OR2T6: variants seen among roughly 807,000 people sequenced by gnomAD.
The protein encoded by OR2T6 is olfactory receptor family 2 subfamily T member 6, also known as olfactory receptor 2T6.
For missense variants in OR2T6, 424 were observed against 391.6 expected (o/e 1.08, Z -0.70); for synonymous variants, 174 against 148.0 (o/e 1.18, Z -1.27).
At chr1:248,381,773 T>A (rs1572867082) in intron 1 of OR2T6, among the ~76,000 whole-genome samples, 2 of 152,210 alleles carry the variant, frequency 1.3e-5, no homozygotes, top group East Asian at 1.9e-4. Flanking sequence ...GAATTCAACG[T>A]TTACTGTTAG....
rs750516767 is a variant in OR2T6 at position 248,388,382 on chromosome 1, G to T, written c.774G>T (p.Thr258=). The T allele has an allele frequency of 3.7e-6, 6 of 1,613,414 alleles. No homozygotes were observed. The highest frequency in any genetic ancestry group is 1.3e-5 in the African/African-American group (1 of 74,844). ...VTLFYGAALY[T]YTLPQSYHTP... is the part of the protein sequence containing the mutation. ...TGTTCTATGGGGCTGCCTTGTATAC[G>T]TATACGCTTCCCCAATCTTACCACA... The change falls in exon 3 of 3, where the codon ACG becomes ACT. Residue 258 remains threonine, a synonymous_variant. Coordinates refer to ENST00000641644, the MANE Select transcript of OR2T6 (RefSeq NM_001005471.2).
rs1339986 is a variant in OR2T6, at chr1:248,390,753, G to A, written c.*2218G>A. 0.4 allele frequency: 60,274 copies of A among 152,040 alleles called. 14,294 individuals carry two copies. Among genetic ancestry groups the A allele is most frequent in the Non-Finnish European group, 0.53 (36,280 of 67,976 alleles). 9.4% of individuals were successfully genotyped at this position (152,040 alleles called of 1,614,324 possible). On this transcript the variant is annotated 3_prime_UTR_variant, in exon 3 of 3. Coordinates refer to ENST00000641644, the MANE Select transcript of OR2T6 (RefSeq NM_001005471.2). ...GTACAAAAAACACAACAAATCAGAAGAGAAGGAGAGGGCTGGCCCATAAGA... is the reference window on the plus strand; with the variant it reads ...GTACAAAAAACACAACAAATCAGAAAAGAAGGAGAGGGCTGGCCCATAAGA...
intron 2 of OR2T6, 43 bp from the exon 3 acceptor site, chr1:248,387,562 C>A: frequency 8.6e-7 from 1 of 1,167,846 alleles, no homozygotes; most frequent in Non-Finnish European, 1.2e-6. Flanking sequence ...TTGTCATTTT[C>A]ATTGACCCTG....
At position 248,387,682 on chromosome 1, in the gene OR2T6, G is replaced by T; in HGVS notation, c.74G>T (p.Gly25Val). ...MGLFTHNKCS[G>V]FFFGVICAVF... Reference sequence around the variant, plus strand: ...CTCTTCACTCACAATAAATGCTCAGGATTCTTTTTCGGTGTCATTTGTGCC... The same window carrying T: ...CTCTTCACTCACAATAAATGCTCAGTATTCTTTTTCGGTGTCATTTGTGCC... The change falls in exon 3 of 3, where the codon GGA (glycine) becomes GTA (valine). Residue 25 changes from glycine (G) to valine (V), a missense_variant. Gly to Val is a moderately radical substitution (Grantham distance 109). Transcript: ENST00000641644. The T allele has an allele frequency of 6.2e-7, 1 of 1,613,686 alleles. No homozygotes were observed. The highest frequency in any genetic ancestry group is 2.2e-5 in the East Asian group (1 of 44,840).
At chr1:248,379,042 G>A (rs1015643456) in intron 1 of OR2T6, among the ~76,000 whole-genome samples, 1 of 152,072 alleles carries the variant, frequency 6.6e-6, no homozygotes, top group Non-Finnish European at 1.5e-5. Flanking sequence ...GGATATGGTG[G>A]TCTGTGCCTA....
At position 248,375,844 on chromosome 1, in the gene OR2T6, C is replaced by T. The variant is rs1436242984; in HGVS notation, c.-369C>T. ...GTCATCTTCAAATACCTCTAACTGG[C>T]ACTCTCTTTTTTTTTTTGAAGCTTT... On this transcript the variant is annotated 5_prime_UTR_variant, in exon 1 of 3. Coordinates refer to ENST00000641644, the MANE Select transcript of OR2T6 (RefSeq NM_001005471.2). The T allele has an allele frequency of 6.7e-6, 1 of 149,466 alleles. No homozygotes were observed. The highest frequency in any genetic ancestry group is 1.5e-5 in the Non-Finnish European group (1 of 67,930). The allele number at this position is 149,466 out of a possible 1,614,324, so 9.3% of individuals were successfully genotyped here. A position where few individuals can be genotyped will look rare whatever the true frequency, so the allele number is the denominator to read the frequency against.
At chr1:248,385,270 T>G (rs1464032295) in intron 2 of OR2T6, among the ~76,000 whole-genome samples, 1 of 152,210 alleles carries the variant, frequency 6.6e-6, no homozygotes, top group Admixed American at 6.5e-5. Flanking sequence ...TTCATCTTTT[T>G]CTAGTACTCA....
At position 248,388,521 on chromosome 1, in the gene OR2T6, G is replaced by T; in HGVS notation, c.913G>T (p.Val305Leu). The T allele has an allele frequency of 6.4e-7, 1 of 1,568,780 alleles. No individual in the cohort carries two copies. The highest frequency in any genetic ancestry group is 8.6e-7 in the Non-Finnish European group (1 of 1,159,376). The change falls in exon 3 of 3, where the codon GTG becomes TTG. Residue 305 changes from valine to leucine, a missense_variant. Coordinates refer to ENST00000641644, the MANE Select transcript of OR2T6 (RefSeq NM_001005471.2). Reference sequence around the variant, plus strand: ...TGTGATGGGTGCCTTGAAGAGAGTTGTGGCAAGATGTTAGGGGACATGTGG... The same window carrying T: ...TGTGATGGGTGCCTTGAAGAGAGTTTTGGCAAGATGTTAGGGGACATGTGG... ...RDVMGALKRVVARC is the reference protein window; with the variant it reads ...RDVMGALKRVLARC
chr1:248,382,356 G>C (rs1418689361), intron 1 of OR2T6, among the ~76,000 whole-genome samples: 1 of 152,092 alleles, frequency 6.6e-6, no homozygotes, highest in Non-Finnish European at 1.5e-5. Flanking sequence ...GACACACACA[G>C]TGTATTTATT....
intron 1 of OR2T6, among the ~76,000 whole-genome samples, chr1:248,382,848 A>T (rs1403630386): frequency 6.6e-6 from 1 of 152,138 alleles, no homozygotes. Flanking sequence ...TTACCATTTA[A>T]TATCTGCCTT....
rs992888141 is a variant in OR2T6 at position 248,376,034 on chromosome 1, C to G, written c.-179C>G. 1.3e-5 allele frequency: 2 copies of G among 152,184 alleles called. No individual in the cohort carries two copies. Among genetic ancestry groups the G allele is most frequent in the Non-Finnish European group, 2.9e-5 (2 of 68,046 alleles). The allele number at this position is 152,184 out of a possible 1,614,324, so 9.4% of individuals were successfully genotyped here. A position where few individuals can be genotyped will look rare whatever the true frequency, so the allele number is the denominator to read the frequency against. ...TTGTCTTTACCTAATATTCCTCTCT[C>G]TGGATATATTATACCTGTAAGTGAT... On this transcript the variant is annotated 5_prime_UTR_variant, in exon 1 of 3. Coordinates refer to ENST00000641644, the MANE Select transcript of OR2T6 (RefSeq NM_001005471.2).
intron 1 of OR2T6, among the ~76,000 whole-genome samples, chr1:248,377,972 A>G (rs756814860): frequency 1.3e-5 from 2 of 152,206 alleles, no homozygotes; most frequent in Non-Finnish European, 2.9e-5. Flanking sequence ...AAGACAACTA[A>G]GCTACACCAT....
chr1:248,388,340 C>T lies in OR2T6; in HGVS notation c.732C>T (p.His244=), dbSNP rs1277164289. ...AGGCCTTTGCCACCTGCTCTTCACA[C>T]ATGATGGTGGTGACATTGTTCTATG... ...RKKAFATCSS[H]MMVVTLFYGA... Residue 244 remains histidine, a synonymous_variant, in exon 3 of 3, where the codon CAC becomes CAT. Transcript: ENST00000641644. 1 of 1,613,414 alleles carries T rather than the reference C, an allele frequency of 6.2e-7. No homozygotes were observed.
At chr1:248,382,740 T>A (rs1031921194) in intron 1 of OR2T6, among the ~76,000 whole-genome samples, 2 of 152,088 alleles carry the variant, frequency 1.3e-5, no homozygotes, top group African/African-American at 2.4e-5. Context: ...GCCAGGCTGG[T>A]CTTGAACTCC....
At position 248,387,773 on chromosome 1, in the gene OR2T6, C is replaced by G. The variant is rs774773163; in HGVS notation, c.165C>G (p.Leu55=). ...TCCTGATTAACATAGACCCTCATCT[C>G]CACACCCCCATGTACTTCCTCCTCA... ...MIFLINIDPH[L]HTPMYFLLSH... Residue 55 remains leucine (L), a synonymous_variant, in exon 3 of 3, where the codon CTC becomes CTG. Transcript: ENST00000641644. The G allele has an allele frequency of 1.2e-6, 2 of 1,613,306 alleles. No individual in the cohort carries two copies. The highest frequency in any genetic ancestry group is 1.7e-6 in the Non-Finnish European group (2 of 1,179,346).
chr1:248,383,066 C>G (rs1661067580), intron 1 of OR2T6, among the ~76,000 whole-genome samples: 1 of 149,924 alleles, frequency 6.7e-6, no homozygotes, highest in Admixed American at 6.6e-5. Flanking sequence ...AAGCACTGCA[C>G]TAGCCTGAGT....
chr1:248,386,027 C>G (rs1661131607), intron 2 of OR2T6, among the ~76,000 whole-genome samples: 1 of 152,178 alleles, frequency 6.6e-6, no homozygotes, highest in Admixed American at 6.5e-5. Context: ...GAACCCCAAA[C>G]AAGCATTCTC....
At chr1:248,381,520 T>A (rs1405223886) in intron 1 of OR2T6, among the ~76,000 whole-genome samples, 1 of 152,082 alleles carries the variant, frequency 6.6e-6, no homozygotes, top group Non-Finnish European at 1.5e-5. Flanking sequence ...CTGGTACTTC[T>A]TAATTTTACA....
At chr1:248,382,075 A>G (rs1026825143) in intron 1 of OR2T6, among the ~76,000 whole-genome samples, 2 of 152,222 alleles carry the variant, frequency 1.3e-5, no homozygotes, top group South Asian at 2.1e-4. Flanking sequence ...AAGTAATTTC[A>G]GTATCCGTGG....
Sources: gnomAD v4.1 joint callset for allele counts (sites outside exome capture counted in the v4.1 genomes callset) on GRCh38, gnomAD v4.1.1 for gene constraint, MANE v1.5 for transcripts, NCBI Gene and HGNC (gene_info 2026-07-23, HGNC 2026-07-21) for gene names.